Variants in ATG4C observed in about 807,000 individuals in gnomAD.
ATG4C encodes cysteine protease ATG4C.
Under a neutral mutation model 57.6 loss-of-function variants are expected in ATG4C, and 56 were observed. That is an observed-to-expected ratio of 0.97 (90% CI 0.78 to 1.21). The LOEUF is 1.21. Among genes scored for constraint, ATG4C ranks in the 50% most tolerant of loss-of-function variants. The pLI is 0.00. For synonymous variants in ATG4C, 157 were observed against 174.1 expected (o/e 0.90, Z 0.78); for missense variants, 595 against 529.8 (o/e 1.12, Z -1.21).
At chr1:62,808,180 G>T (rs1241248196) in intron 3 of ATG4C, among the ~76,000 whole-genome samples, 1 of 152,208 alleles carries the variant, frequency 6.6e-6, no homozygotes, top group Non-Finnish European at 1.5e-5. Context: ...CTTTGATACA[G>T]GGCAGTGCAT....
intron 1 of ATG4C, among the ~76,000 whole-genome samples, chr1:62,793,298 C>G (rs939264213): frequency 9.9e-5 from 15 of 151,862 alleles, no homozygotes; most frequent in African/African-American, 3.6e-4. Flanking sequence ...AGACAATGGT[C>G]AAGAACTACT....
At chr1:62,819,416 T>C in intron 5 of ATG4C, 81 bp downstream of exon 5, 5 of 1,102,740 alleles carry the variant, frequency 4.5e-6, no homozygotes, top group Non-Finnish European at 6.3e-6. Flanking sequence ...TGTGTATATA[T>C]AATTGGAACT....
chr1:62,814,982 T>G (rs1456998957), intron 3 of ATG4C, among the ~76,000 whole-genome samples: 2 of 152,154 alleles, frequency 1.3e-5, no homozygotes, highest in East Asian at 3.9e-4. Flanking sequence ...CAAGAATCGC[T>G]TTAACCCTGG....
intron 1 of ATG4C, among the ~76,000 whole-genome samples, chr1:62,802,554 A>G (rs1193690660): frequency 1.3e-5 from 2 of 151,958 alleles, no homozygotes; most frequent in African/African-American, 4.8e-5. Flanking sequence ...CTCATTATCT[A>G]CTTTTATTCC....
At chr1:62,847,006 G>A (rs1020872536) in intron 10 of ATG4C, among the ~76,000 whole-genome samples, 76 of 152,040 alleles carry the variant, frequency 5.0e-4, no homozygotes, top group African/African-American at 1.7e-3. Flanking sequence ...GTGAAACTCC[G>A]TCTCTACTAA....
chr1:62,819,042 A>G lies in ATG4C; in HGVS notation c.432A>G (p.Ser144=). 1 of 1,581,864 alleles carries G rather than the reference A, an allele frequency of 6.3e-7. No individual in the cohort carries two copies. Among genetic ancestry groups the G allele is most frequent in the Non-Finnish European group, 8.6e-7 (1 of 1,165,500 alleles). Residue 144 remains serine (S), a synonymous_variant, in exon 5 of 11, where the codon TCA becomes TCG. Transcript: ENST00000317868. ...TWPDALNIEN[S]DSESWTSHTV... ...CTGATGCTTTGAATATTGAAAATTCAGACTCTGAATCATGGACTTCCCACA... is the reference window on the plus strand; with the variant it reads ...CTGATGCTTTGAATATTGAAAATTCGGACTCTGAATCATGGACTTCCCACA...
rs1294910314 is a variant in ATG4C at position 62,817,844 on chromosome 1, T to TG, written c.394+1036_394+1037insG. Reference sequence around the variant, plus strand: ...TGATTATTAAATATTGTCAGATTTTTATAAGTGTTAAGACAGTATCCCTAC... The same window carrying TG: ...TGATTATTAAATATTGTCAGATTTTTGATAAGTGTTAAGACAGTATCCCTAC... On this transcript the variant is annotated intron_variant, in intron 4 of 10. Transcript: ENST00000317868. Among the ~76,000 whole-genome samples the TG allele has an allele frequency of 2.6e-5, 4 of 152,232 alleles. No individual in the cohort carries two copies. In the East Asian group the frequency reaches 5.8e-4, roughly 22 times the overall value.
chr1:62,850,777 T>C (rs2100356345), intron 10 of ATG4C, among the ~76,000 whole-genome samples: 1 of 150,964 alleles, frequency 6.6e-6, no homozygotes, highest in South Asian at 2.1e-4. Flanking sequence ...TTGTTTTATT[T>C]TTCTCCTTAG....
intron 10 of ATG4C, among the ~76,000 whole-genome samples, chr1:62,845,056 A>G (rs1666287355): frequency 2.0e-5 from 3 of 152,060 alleles, no homozygotes; most frequent in Non-Finnish European, 2.9e-5. Context: ...AATGTTTTAA[A>G]TAATATTCTT....
At chr1:62,805,085 A>G (rs546335258) in intron 2 of ATG4C, 87 bp from the exon 3 acceptor site, 2 of 1,424,188 alleles carry the variant, frequency 1.4e-6, no homozygotes, top group Non-Finnish European at 1.8e-6. Flanking sequence ...ATGGTTTGAA[A>G]TTAAATAAAA....
At position 62,819,314 on chromosome 1, in the gene ATG4C, C is replaced by G. The variant is rs763638385; in HGVS notation, c.704C>G (p.Ala235Gly). 2.1e-5 allele frequency: 33 copies of G among 1,589,152 alleles called. No homozygotes were observed. Among genetic ancestry groups the G allele is most frequent in the Non-Finnish European group, 2.7e-5 (32 of 1,171,630 alleles). ...AAAGCAGGAGATTGGTATGGACCAG[C>G]TGTGGTTGCTCACATTTTAAGGTAA... ...GKKAGDWYGP[A>G]VVAHILRKAV... The change falls in exon 5 of 11, where the codon GCT becomes GGT. Residue 235 changes from alanine (A) to glycine (G), a missense_variant. Ala to Gly is a moderately conservative substitution (Grantham distance 60). Transcript: ENST00000317868.
At chr1:62,803,380 G>A (rs930026432) in intron 1 of ATG4C, among the ~76,000 whole-genome samples, 2 of 152,062 alleles carry the variant, frequency 1.3e-5, no homozygotes, top group African/African-American at 4.8e-5. Flanking sequence ...TCTCACTTGC[G>A]CCAATGCACC....
At chr1:62,813,695 C>T (rs1365552836) in intron 3 of ATG4C, among the ~76,000 whole-genome samples, 2 of 152,048 alleles carry the variant, frequency 1.3e-5, no homozygotes, top group African/African-American at 4.8e-5. Context: ...TTTGCAATCT[C>T]TCCATCTGAC....
At chr1:62,832,899 C>A (rs574251801) in intron 7 of ATG4C, among the ~76,000 whole-genome samples, 2 of 152,190 alleles carry the variant, frequency 1.3e-5, no homozygotes, top group South Asian at 4.2e-4. Context: ...TAATGAGCAA[C>A]AAAAGGTTAC....
intron 1 of ATG4C, among the ~76,000 whole-genome samples, chr1:62,784,593 C>T (rs557087930): frequency 2.0e-5 from 3 of 152,108 alleles, no homozygotes; most frequent in Non-Finnish European, 4.4e-5. Flanking sequence ...CATTTGACCC[C>T]TCCTCATGCC....
rs150397889 is a variant in ATG4C at position 62,830,181 on chromosome 1, A to G, written c.933+1005A>G. Among the ~76,000 whole-genome samples the G allele has an allele frequency of 3.6e-3, 547 of 152,274 alleles. 4 individuals carry two copies. The highest frequency in any genetic ancestry group is 0.012 in the African/African-American group (511 of 41,570). ...AATTTTGGAAGCACATTTGTTACTAAGAGTAACAATACTGTAATATATCAA... is the reference window on the plus strand; with the variant it reads ...AATTTTGGAAGCACATTTGTTACTAGGAGTAACAATACTGTAATATATCAA... On this transcript the variant is annotated intron_variant, in intron 7 of 10. Coordinates refer to ENST00000317868, the MANE Select transcript of ATG4C (RefSeq NM_032852.4).
intron 3 of ATG4C, among the ~76,000 whole-genome samples, chr1:62,815,988 A>T (rs1665258403): frequency 6.6e-6 from 1 of 152,056 alleles, no homozygotes; most frequent in Non-Finnish European, 1.5e-5. Context: ...CCCAGCCAGA[A>T]TCTTCCTGTT....
intron 10 of ATG4C, among the ~76,000 whole-genome samples, chr1:62,847,370 G>T (rs1666356447): frequency 6.6e-6 from 1 of 152,104 alleles, no homozygotes; most frequent in South Asian, 2.1e-4. Flanking sequence ...GTGACTCCTG[G>T]CTTCATGAAC....
chr1:62,801,336 A>G (rs1664654503), intron 1 of ATG4C, among the ~76,000 whole-genome samples: 1 of 152,206 alleles, frequency 6.6e-6, no homozygotes, highest in Non-Finnish European at 1.5e-5. Context: ...CTCCAGATCT[A>G]TATATCCAAC....
Sources: allele counts gnomAD v4.1 joint callset (sites outside exome capture counted in the v4.1 genomes callset), GRCh38; gene constraint gnomAD v4.1.1; transcripts MANE v1.5; gene names NCBI Gene and HGNC (gene_info 2026-07-23, HGNC 2026-07-21).